Variants in ACACB observed in about 807,000 individuals in gnomAD.
The protein encoded by ACACB is acetyl-CoA carboxylase beta, also known as acetyl-CoA carboxylase 2.
ACACB carries 209 observed loss-of-function variants against 278.8 expected under a neutral mutation model. That is an observed-to-expected ratio of 0.75 (90% CI 0.67 to 0.84). ACACB has a LOEUF of 0.84. Among genes scored for constraint, ACACB ranks in the 40% least tolerant of loss-of-function variants. The probability of loss-of-function intolerance (pLI) is 0.00; values close to 1 mark genes in which losing one functional copy is unlikely to be tolerated. For missense variants in ACACB, 2,850 were observed against 3,269.0 expected, an observed-to-expected ratio of 0.87 and a Z score of 3.13; for synonymous variants, 1,174 against 1,285.6, an observed-to-expected ratio of 0.91 and a Z score of 1.86.
chr12:109,246,226 G>C lies in ACACB; in HGVS notation c.5349G>C (p.Pro1783=), dbSNP rs1169828551. Residue 1783 remains proline, a synonymous_variant, in exon 39 of 53, where the codon CCG becomes CCC. Coordinates refer to ENST00000338432, the MANE Select transcript of ACACB (RefSeq NM_001093.4). ...TGAGGTTTAAGACCCAGGAGTACCC[G>C]GAAGGACGGGATGTGATCGTCATCG... ...FKMRFKTQEY[P]EGRDVIVIGN... The C allele has an allele frequency of 6.2e-7, 1 of 1,613,662 alleles. No individual in the cohort carries two copies. The highest frequency in any genetic ancestry group is 8.5e-7 in the Non-Finnish European group (1 of 1,179,984).
chr12:109,122,781 T>TC (rs2042581554), intron 1 of ACACB, among the ~76,000 whole-genome samples: 1 of 151,982 alleles, frequency 6.6e-6, no homozygotes, highest in Non-Finnish European at 1.5e-5. Flanking sequence ...AGCACAGTGG[T>TC]CCCCCAATGC....
At chr12:109,224,028 G>A in intron 27 of ACACB, 124 bp downstream of exon 27, 1 of 852,292 alleles carries the variant, frequency 1.2e-6, no homozygotes, top group South Asian at 1.4e-5. Context: ...TTCTCTTCAA[G>A]GTAGCTATGT....
intron 2 of ACACB, among the ~76,000 whole-genome samples, chr12:109,153,120 G>C (rs1017946693): frequency 6.6e-6 from 1 of 151,946 alleles, no homozygotes; most frequent in Non-Finnish European, 1.5e-5. Context: ...TGGAGTAGCT[G>C]GGACTTCAGG....
chr12:109,118,567 C>T (rs949678250), intron 1 of ACACB, among the ~76,000 whole-genome samples: 3 of 152,072 alleles, frequency 2.0e-5, no homozygotes, highest in African/African-American at 7.2e-5. Context: ...GCAAGCACTA[C>T]CACGCCCAGC....
At chr12:109,174,312 C>T in intron 7 of ACACB, 82 bp downstream of exon 7, 3 of 1,059,048 alleles carry the variant, frequency 2.8e-6, no homozygotes, top group Non-Finnish European at 4.0e-6. Flanking sequence ...CAGAAGTATG[C>T]TTGTAACAAT....
In ACACB at chr12:109,117,371, AAAAG is replaced by A. The variant is rs1418253388; in HGVS notation, c.-10+671_-10+674del. ...CAAGACTCTGTCTCAAAAAAAAAAA[AAAAG>A]AAAAGAAAAAGAAAAAAAGGAGACT... On this transcript the variant is annotated intron_variant, in intron 1 of 52. Transcript: ENST00000338432. Among the ~76,000 whole-genome samples the A allele has an allele frequency of 2.6e-5, 4 of 151,916 alleles. No individual in the cohort carries two copies. The East Asian group carries it at 7.7e-4, about 29-fold the overall frequency.
chr12:109,199,578 A>G (rs566737538), intron 18 of ACACB, 26 bp downstream of exon 18: 1 of 1,403,744 alleles, frequency 7.1e-7, no homozygotes, highest in South Asian at 1.8e-5. Context: ...GCCGTGGGGA[A>G]TCCTGAACCC....
At chr12:109,241,015 G>T in intron 35 of ACACB, 63 bp from the exon 36 acceptor site, 2 of 1,523,620 alleles carry the variant, frequency 1.3e-6, no homozygotes, top group Non-Finnish European at 1.8e-6. Flanking sequence ...TAGTATCAGT[G>T]CTATTGCAAA....
In ACACB at chr12:109,233,809, G is replaced by A. The variant is rs768950144; in HGVS notation, c.4201G>A (p.Glu1401Lys). The A allele has an allele frequency of 7.4e-6, 12 of 1,614,006 alleles. No homozygotes were observed. Among genetic ancestry groups the A allele is most frequent in the East Asian group, 4.5e-5 (2 of 44,886 alleles). ...GCCCAAAGACACCCCCCTCTTCAGC[G>A]AGGCCCGCACCTCCCTATACTCCGA... ...NVPKDTPLFS[E>K]ARTSLYSEDD... Residue 1401 changes from glutamate to lysine, a missense_variant, in exon 30 of 53, where the codon GAG becomes AAG. Glu to Lys is a moderately conservative substitution (Grantham distance 56). Around this residue, in one of 3 missense-constraint regions of ACACB, gnomAD observed 2,265 missense variants for 2,561.3 expected, o/e 0.88. Coordinates refer to ENST00000338432, the MANE Select transcript of ACACB (RefSeq NM_001093.4).
chr12:109,180,152 C>T, intron 11 of ACACB, 65 bp downstream of exon 11: 1 of 1,524,214 alleles, frequency 6.6e-7, no homozygotes, highest in Non-Finnish European at 9.0e-7. Flanking sequence ...TGTGCTGCTC[C>T]CATTAGTCCA....
intron 37 of ACACB, among the ~76,000 whole-genome samples, chr12:109,245,311 T>C (rs149488868): frequency 1.1e-3 from 172 of 152,040 alleles, no homozygotes; most frequent in African/African-American, 4.1e-3. Context: ...AAAGCATGCA[T>C]AGGACTGGGT....
intron 34 of ACACB, among the ~76,000 whole-genome samples, chr12:109,237,649 G>A (rs560447714): frequency 2.6e-5 from 4 of 152,238 alleles, no homozygotes; most frequent in African/African-American, 9.6e-5. Flanking sequence ...GAAAAATACT[G>A]GTTTGTTCAG....
intron 37 of ACACB, 53 bp from the exon 38 acceptor site, chr12:109,245,573 G>T: frequency 6.3e-7 from 1 of 1,583,448 alleles, no homozygotes; most frequent in Non-Finnish European, 8.6e-7. Context: ...GGGAAAGATA[G>T]TTCTTCCCTA....
intron 13 of ACACB, among the ~76,000 whole-genome samples, chr12:109,190,128 GAAAA>G (rs1055462109): frequency 6.6e-6 from 1 of 151,960 alleles, no homozygotes; most frequent in Non-Finnish European, 1.5e-5. Flanking sequence ...ACAAAAAAAA[GAAAA>G]AAAGAAAGCT....
At chr12:109,182,249 T>C (rs2044502371) in intron 11 of ACACB, among the ~76,000 whole-genome samples, 1 of 152,252 alleles carries the variant, frequency 6.6e-6, no homozygotes, top group Admixed American at 6.5e-5. Flanking sequence ...TCAGAGATGT[T>C]GGGTGCCTTT....
intron 22 of ACACB, 73 bp from the exon 23 acceptor site, chr12:109,216,545 A>T (rs930957004): frequency 6.0e-5 from 79 of 1,320,300 alleles, no homozygotes; most frequent in East Asian, 5.1e-4. Flanking sequence ...TAAAAATCAT[A>T]AAAAAAAATA....
intron 40 of ACACB, 127 bp downstream of exon 40, chr12:109,247,830 G>C (rs933570448): frequency 4.2e-6 from 3 of 720,396 alleles, no homozygotes; most frequent in Non-Finnish European, 7.2e-6. Flanking sequence ...ACCAATGCCT[G>C]TTGGGGGCAC....
chr12:109,162,124 G>A (rs896896915), intron 2 of ACACB, among the ~76,000 whole-genome samples: 2 of 152,162 alleles, frequency 1.3e-5, no homozygotes, highest in South Asian at 4.2e-4. Flanking sequence ...CTACAGGCGT[G>A]CGCCACCATG....
chr12:109,150,247 T>C (rs2043336068), intron 2 of ACACB, among the ~76,000 whole-genome samples: 1 of 152,088 alleles, frequency 6.6e-6, no homozygotes, highest in Admixed American at 6.5e-5. Flanking sequence ...TTTAGGAGAT[T>C]GTTGAGATCG....
Sources: allele counts gnomAD v4.1 joint callset (sites outside exome capture counted in the v4.1 genomes callset), GRCh38; gene constraint gnomAD v4.1.1; regional missense constraint gnomAD v4.1.1; transcripts MANE v1.5; gene names NCBI Gene and HGNC (gene_info 2026-07-23, HGNC 2026-07-21).